The following TAF10 variants were observed in gnomAD, a reference collection of about 807,000 sequenced individuals.
TAF10 encodes TATA-box binding protein associated factor 10, also known as transcription initiation factor TFIID subunit 10.
A neutral mutation model predicts 18.1 loss-of-function variants in TAF10; 2 were observed. That is an observed-to-expected ratio of 0.11 (90% CI 0.05 to 0.35). The LOEUF is 0.35. TAF10 is among the 10% of genes least tolerant of loss of function. The probability of loss-of-function intolerance (pLI) is 1.00; values close to 1 mark genes in which losing one functional copy is unlikely to be tolerated. For missense variants in TAF10, 293 were observed against 306.9 expected, an observed-to-expected ratio of 0.95 and a Z score of 0.34; for synonymous variants, 158 against 134.6, an observed-to-expected ratio of 1.17 and a Z score of -1.20.
In TAF10 at chr11:6,608,866, GTTGT is replaced by G. The variant is rs766224908; in HGVS notation, c.*2052_*2055del. The G allele has an allele frequency of 3.8e-5, 61 of 1,613,878 alleles. No homozygotes were observed. Among genetic ancestry groups the G allele is most frequent in the Admixed American group, 2.0e-4 (12 of 60,006 alleles). On this transcript the variant is annotated 3_prime_UTR_variant, in exon 5 of 5. Coordinates refer to ENST00000299424, the MANE Select transcript of TAF10 (RefSeq NM_006284.4). The surrounding 1 kb of genome is among the most constrained non-coding windows in gnomAD (Gnocchi z 4.9). ...CTTCTCCCTCTGTACCACAGCTTAGGTTGTTTTTCTTCCCTAGAGCGGGCAGAGA... is the reference window on the plus strand; with the variant it reads ...CTTCTCCCTCTGTACCACAGCTTAGGTTTTCTTCCCTAGAGCGGGCAGAGA...
chr11:6,608,029 T>A lies in TAF10; in HGVS notation c.*2893A>T. The A allele has an allele frequency of 3.7e-6, 6 of 1,613,552 alleles. No homozygotes were observed. Among genetic ancestry groups the A allele is most frequent in the South Asian group, 1.1e-5 (1 of 91,046 alleles). The stretch of plus-strand genomic sequence containing the variant: ...CATCCCACCTCCAGCTCAATGACCA[T>A]TGCCCCTTCCTCAAAGGGACGATCA... On this transcript the variant is annotated 3_prime_UTR_variant, in exon 5 of 5. Transcript: ENST00000299424. This position sits in a 1 kb window ranked among gnomAD's most constrained non-coding sequence, Gnocchi z 4.9.
chr11:6,608,545 G>T lies in TAF10; in HGVS notation c.*2377C>A, dbSNP rs1436611271. ...GGTAGGAAGTAAAGTCTGAGCCTTG[G>T]TGGGAGATTTTGGAACCCTCAACCC... On this transcript the variant is annotated 3_prime_UTR_variant, in exon 5 of 5. Transcript: ENST00000299424. This position sits in a 1 kb window ranked among gnomAD's most constrained non-coding sequence, Gnocchi z 4.9. 14 of 1,503,270 alleles carry T rather than the reference G, an allele frequency of 9.3e-6. No homozygotes were observed. The Admixed American group carries it at 2.3e-4, about 25-fold the overall frequency. The allele number at this position is 1,503,270 out of a possible 1,614,324, so 93.1% of individuals were successfully genotyped here. A position where few individuals can be genotyped will look rare whatever the true frequency, so the allele number is the denominator to read the frequency against.
rs777238244 is a variant in TAF10 at position 6,609,692 on chromosome 11, C to G, written c.*1230G>C. On this transcript the variant is annotated 3_prime_UTR_variant, in exon 5 of 5. Transcript: ENST00000299424. Reference sequence around the variant, plus strand: ...GGAGGAAATGGCAGAGAGGGAGCCTCTCTGAACTATTTGACTTTTGCCTCC... The same window carrying G: ...GGAGGAAATGGCAGAGAGGGAGCCTGTCTGAACTATTTGACTTTTGCCTCC... 1 of 1,614,146 alleles carries G rather than the reference C, an allele frequency of 6.2e-7. No homozygotes were observed. Among genetic ancestry groups the G allele is most frequent in the Non-Finnish European group, 8.5e-7 (1 of 1,180,028 alleles).
Position 6,610,852 on chromosome 11 carries a change from A to G in TAF10, c.*70T>C, listed in dbSNP as rs1035116395. The stretch of plus-strand genomic sequence containing the variant: ...GGAGGGATCAGCCCCGCCTGTCACA[A>G]TAAAGTTTATTATGAAAACAGGCTG... On this transcript the variant is annotated 3_prime_UTR_variant, in exon 5 of 5. Coordinates refer to ENST00000299424, the MANE Select transcript of TAF10 (RefSeq NM_006284.4). 2 of 1,570,368 alleles carry G rather than the reference A, an allele frequency of 1.3e-6. No homozygotes were observed. Among genetic ancestry groups the G allele is most frequent in the South Asian group, 2.2e-5 (2 of 89,894 alleles).
chr11:6,608,549 G>A lies in TAF10; in HGVS notation c.*2373C>T. 1 of 1,468,328 alleles carries A rather than the reference G, an allele frequency of 6.8e-7. No individual in the cohort carries two copies. Among genetic ancestry groups the A allele is most frequent in the Non-Finnish European group, 9.5e-7 (1 of 1,047,292 alleles). The allele number at this position is 1,468,328 out of a possible 1,614,324, so 91.0% of individuals were successfully genotyped here. On this transcript the variant is annotated 3_prime_UTR_variant, in exon 5 of 5. Transcript: ENST00000299424. The surrounding 1 kb of genome is among the most constrained non-coding windows in gnomAD (Gnocchi z 4.9). ...GGAAGTAAAGTCTGAGCCTTGGTGG[G>A]AGATTTTGGAACCCTCAACCCATTC... is the stretch of plus-strand genomic sequence containing the variant.
Position 6,610,451 on chromosome 11 carries a change from T to C in TAF10, c.*471A>G, listed in dbSNP as rs766460035. ...CAAATTGTGAGGCTGCTTTTTTTCTTGTATTCGCAGGTGGCATTGGAAGGC... is the reference window on the plus strand; with the variant it reads ...CAAATTGTGAGGCTGCTTTTTTTCTCGTATTCGCAGGTGGCATTGGAAGGC... On this transcript the variant is annotated 3_prime_UTR_variant, in exon 5 of 5. Transcript: ENST00000299424. 13 of 1,614,100 alleles carry C rather than the reference T, an allele frequency of 8.1e-6. 1 individual carries two copies. The highest frequency in any genetic ancestry group is 5.0e-5 in the Admixed American group (3 of 60,018).
Position 6,607,540 on chromosome 11 carries a change from A to G in TAF10, c.*3382T>C, listed in dbSNP as rs143349231. Reference sequence around the variant, plus strand: ...AAATAGTAAGTTTGTTCCCTCTTCTATAAGTTGTGGCCTGCCTTCTCCAAG... The same window carrying G: ...AAATAGTAAGTTTGTTCCCTCTTCTGTAAGTTGTGGCCTGCCTTCTCCAAG... On this transcript the variant is annotated 3_prime_UTR_variant, in exon 5 of 5. Coordinates refer to ENST00000299424, the MANE Select transcript of TAF10 (RefSeq NM_006284.4). 4.9e-4 allele frequency: 83 copies of G among 170,352 alleles called. No homozygotes were observed. The highest frequency in any genetic ancestry group is 1.9e-3 in the African/African-American group (78 of 41,804). The allele number at this position is 170,352 out of a possible 1,614,324, so 10.6% of individuals were successfully genotyped here.
intron 4 of TAF10, 32 bp from the exon 5 acceptor site, chr11:6,611,043 A>T (rs1200527798): frequency 6.8e-6 from 11 of 1,611,060 alleles, no homozygotes; most frequent in Non-Finnish European, 9.3e-6. Flanking sequence ...CCAACTGAGC[A>T]CAGGAATCCC....
Position 6,609,230 on chromosome 11 carries a change from T to C in TAF10, c.*1692A>G. On this transcript the variant is annotated 3_prime_UTR_variant, in exon 5 of 5. Transcript: ENST00000299424. ...CTTGCTTTGTACCTGTTTTAAGTTT[T>C]TCCTCCAGTTAGTGGGCAAGGAAGT... The C allele has an allele frequency of 1.2e-6, 2 of 1,603,008 alleles. No individual in the cohort carries two copies. Among genetic ancestry groups the C allele is most frequent in the Non-Finnish European group, 1.7e-6 (2 of 1,170,006 alleles).
At position 6,610,089 on chromosome 11, in the gene TAF10, G is replaced by A. The variant is rs1177470290; in HGVS notation, c.*833C>T. On this transcript the variant is annotated 3_prime_UTR_variant, in exon 5 of 5. Transcript: ENST00000299424. ...AAAAAGGACCACCTCAGAAGTAGTG[G>A]AAGGGGGCAGAGACAGGACAGGCAA... The A allele has an allele frequency of 2.5e-6, 4 of 1,614,034 alleles. No individual in the cohort carries two copies. The highest frequency in any genetic ancestry group is 2.5e-6 in the Non-Finnish European group (3 of 1,180,040).
In TAF10 at chr11:6,608,771, CCT is replaced by C. The variant is rs767593692; in HGVS notation, c.*2149_*2150del. 16 of 1,613,892 alleles carry C rather than the reference CCT, an allele frequency of 9.9e-6. No individual in the cohort carries two copies. The highest frequency in any genetic ancestry group is 2.7e-5 in the African/African-American group (2 of 74,894). On this transcript the variant is annotated 3_prime_UTR_variant, in exon 5 of 5. Transcript: ENST00000299424. The surrounding 1 kb of genome is among the most constrained non-coding windows in gnomAD (Gnocchi z 4.9). ...TGCCTGTGGACAAAGCCAAGGCACCCCTGAGAGAGCTTCTCCGAGGTCCATCT... is the reference window on the plus strand; with the variant it reads ...TGCCTGTGGACAAAGCCAAGGCACCCGAGAGAGCTTCTCCGAGGTCCATCT...
In TAF10 at chr11:6,607,988, A is replaced by G. The variant is rs774987378; in HGVS notation, c.*2934T>C. 9.2e-5 allele frequency: 145 copies of G among 1,571,654 alleles called. No homozygotes were observed. The highest frequency in any genetic ancestry group is 6.5e-4 in the Middle Eastern group (3 of 4,622). On this transcript the variant is annotated 3_prime_UTR_variant, in exon 5 of 5. Coordinates refer to ENST00000299424, the MANE Select transcript of TAF10 (RefSeq NM_006284.4). Reference sequence around the variant, plus strand: ...GTATGTAATTATCAGTTTTTCAGGAATCAAAACCTTTGCCCCATCCCACCT... The same window carrying G: ...GTATGTAATTATCAGTTTTTCAGGAGTCAAAACCTTTGCCCCATCCCACCT...
In TAF10 at chr11:6,608,373, T is replaced by C; in HGVS notation, c.*2549A>G. On this transcript the variant is annotated 3_prime_UTR_variant, in exon 5 of 5. Coordinates refer to ENST00000299424, the MANE Select transcript of TAF10 (RefSeq NM_006284.4). The surrounding 1 kb of genome is among the most constrained non-coding windows in gnomAD (Gnocchi z 4.9). Reference sequence around the variant, plus strand: ...TGACTGTACTTTCTGCCTCTTCTTTTTGTCTGGCCATGGGGTCCAGCTATT... The same window carrying C: ...TGACTGTACTTTCTGCCTCTTCTTTCTGTCTGGCCATGGGGTCCAGCTATT... 1 of 1,611,070 alleles carries C rather than the reference T, an allele frequency of 6.2e-7. No individual in the cohort carries two copies. Among genetic ancestry groups the C allele is most frequent in the Non-Finnish European group, 8.5e-7 (1 of 1,177,178 alleles).
Position 6,611,307 on chromosome 11 carries a change from G to A in TAF10, c.453-4C>T, listed in dbSNP as rs968493587. 3 of 1,613,942 alleles carry A rather than the reference G, an allele frequency of 1.9e-6. No homozygotes were observed. In the African/African-American group the frequency reaches 4.0e-5, roughly 22 times the overall value. On this transcript the variant is annotated splice_polypyrimidine_tract_variant and splice_region_variant and intron_variant, in intron 3 of 4. Coordinates refer to ENST00000299424, the MANE Select transcript of TAF10 (RefSeq NM_006284.4). ...AGCTAAGGAGATGAGCCGAATTCTA[G>A]AGAGAAAAAACTTAGATGAGAAGGA...
chr11:6,608,818 T>C lies in TAF10; in HGVS notation c.*2104A>G. 1 of 1,612,688 alleles carries C rather than the reference T, an allele frequency of 6.2e-7. No homozygotes were observed. Among genetic ancestry groups the C allele is most frequent in the South Asian group, 1.1e-5 (1 of 91,064 alleles). On this transcript the variant is annotated 3_prime_UTR_variant, in exon 5 of 5. Transcript: ENST00000299424. The surrounding 1 kb of genome is among the most constrained non-coding windows in gnomAD (Gnocchi z 4.9). The stretch of plus-strand genomic sequence containing the variant: ...CCATCTCCCCATCCCCTAGCTTGTG[T>C]CCTCTCGTCCCTTCCCACCTGTCTT...
Position 6,610,155 on chromosome 11 carries a change from G to C in TAF10, c.*767C>G, listed in dbSNP as rs142990615. 1.9e-5 allele frequency: 30 copies of C among 1,614,118 alleles called. No individual in the cohort carries two copies. Among genetic ancestry groups the C allele is most frequent in the Non-Finnish European group, 2.3e-5 (27 of 1,180,046 alleles). ...CAAGCCCTATCTCTCCAGCTCTGCA[G>C]AAGAAGCCTGAAGACACAAACAGAC... On this transcript the variant is annotated 3_prime_UTR_variant, in exon 5 of 5. Coordinates refer to ENST00000299424, the MANE Select transcript of TAF10 (RefSeq NM_006284.4).
At position 6,609,053 on chromosome 11, in the gene TAF10, A is replaced by C. The variant is rs779295855; in HGVS notation, c.*1869T>G. ...GGGTTAGGGTGAAGCTGGGTACCTG[A>C]CCTGCCCACACTCTTAGGAAATGGA... On this transcript the variant is annotated 3_prime_UTR_variant, in exon 5 of 5. Coordinates refer to ENST00000299424, the MANE Select transcript of TAF10 (RefSeq NM_006284.4). The C allele has an allele frequency of 6.2e-7, 1 of 1,613,026 alleles. No individual in the cohort carries two copies. Among genetic ancestry groups the C allele is most frequent in the Admixed American group, 1.7e-5 (1 of 60,018 alleles).
At position 6,608,735 on chromosome 11, in the gene TAF10, G is replaced by A; in HGVS notation, c.*2187C>T. The A allele has an allele frequency of 6.2e-7, 1 of 1,614,166 alleles. No homozygotes were observed. The highest frequency in any genetic ancestry group is 8.5e-7 in the Non-Finnish European group (1 of 1,180,010). On this transcript the variant is annotated 3_prime_UTR_variant, in exon 5 of 5. Coordinates refer to ENST00000299424, the MANE Select transcript of TAF10 (RefSeq NM_006284.4). The surrounding 1 kb of genome is among the most constrained non-coding windows in gnomAD (Gnocchi z 4.9). ...GGGCCCTTGTCAGCATCTGTAACAA[G>A]TATGGAGAGATGCCTGTGGACAAAG...
intron 2 of TAF10, 86 bp from the exon 3 acceptor site, chr11:6,611,538 T>G: frequency 1.3e-6 from 2 of 1,595,358 alleles, no homozygotes; most frequent in East Asian, 2.2e-5. Flanking sequence ...AGCTCACAGT[T>G]TGGGTGAGCA....
Sources: allele counts gnomAD v4.1 joint callset, GRCh38; gene constraint gnomAD v4.1.1; non-coding constraint Gnocchi (gnomAD v3.1); transcripts MANE v1.5; gene names NCBI Gene and HGNC (gene_info 2026-07-23, HGNC 2026-07-21).